Variants in TRIM36 observed in about 807,000 individuals in gnomAD.
TRIM36 encodes the protein E3 ubiquitin-protein ligase TRIM36.
In TRIM36, 42 loss-of-function variants were observed where a neutral mutation model predicts 72.4. The ratio of observed to expected loss-of-function variants is 0.58; its 90% confidence interval spans 0.45 to 0.75. The LOEUF (loss-of-function observed/expected upper bound fraction) is 0.75, where lower values mean the gene tolerates loss of function less well. Among genes scored for constraint, TRIM36 ranks in the 30% least tolerant of loss-of-function variants. The pLI, the probability that TRIM36 is intolerant of heterozygous loss-of-function variation, is 0.00. For synonymous variants in TRIM36, 315 were observed against 282.8 expected, an observed-to-expected ratio of 1.11 and a Z score of -1.14; for missense variants, 913 against 857.1, an observed-to-expected ratio of 1.07 and a Z score of -0.81.
chr5:115,139,165 G>A (rs1383387640), intron 5 of TRIM36, among the ~76,000 whole-genome samples: 2 of 146,156 alleles, frequency 1.4e-5, no homozygotes, highest in African/African-American at 5.1e-5. Flanking sequence ...CTATCACCTA[G>A]GCTAGAGTGC....
At position 115,169,885 on chromosome 5, in the gene TRIM36, G is replaced by A. The variant is rs1021555413; in HGVS notation, c.-251C>T. 24 of 1,303,238 alleles carry A rather than the reference G, an allele frequency of 1.8e-5. No homozygotes were observed. The highest frequency in any genetic ancestry group is 2.3e-5 in the Non-Finnish European group (24 of 1,025,346). The allele number at this position is 1,303,238 out of a possible 1,614,324, so 80.7% of individuals were successfully genotyped here. On this transcript the variant is annotated 5_prime_UTR_variant, in exon 1 of 10. Transcript: ENST00000513154. ...CGGGAATCCCGCCCAGCTGCCGGCT[G>A]CAGCAGCGGCTCCTGCGGACTGCGG...
chr5:115,171,089 G>A, upstream of TRIM36: 2 of 1,614,198 alleles, frequency 1.2e-6, no homozygotes, highest in African/African-American at 2.7e-5. Flanking sequence ...CAGAGCTGTA[G>A]CGAGACATCT....
intron 7 of TRIM36, 82 bp from the exon 8 acceptor site, chr5:115,134,229 A>T: frequency 7.7e-7 from 1 of 1,304,480 alleles, no homozygotes; most frequent in South Asian, 1.8e-5. Context: ...AATGACATAT[A>T]AACAGTATTT....
chr5:115,179,843 C>T, intron 1 of TRIM36: 2 of 816,408 alleles, frequency 2.4e-6, no homozygotes, highest in Non-Finnish European at 3.9e-6. Flanking sequence ...GCCCGGGCTG[C>T]GAGCGCGGCT....
At chr5:115,141,523 C>T in intron 4 of TRIM36, 149 bp from the exon 5 acceptor site, 2 of 492,770 alleles carry the variant, frequency 4.1e-6, no homozygotes, top group Non-Finnish European at 7.0e-6. Context: ...CATTATTAAC[C>T]CGGAGTAAAC....
At chr5:115,145,485 C>A (rs905694279) in intron 3 of TRIM36, among the ~76,000 whole-genome samples, 16 of 152,184 alleles carry the variant, frequency 1.1e-4, no homozygotes, top group African/African-American at 3.4e-4. Context: ...AGATTTTAAG[C>A]AATTGTAACT....
At chr5:115,162,588 T>C (rs1256684685) in intron 2 of TRIM36, among the ~76,000 whole-genome samples, 1 of 152,230 alleles carries the variant, frequency 6.6e-6, no homozygotes, top group Non-Finnish European at 1.5e-5. Context: ...TAATTATAAG[T>C]AGAAATATCT....
intron 2 of TRIM36, among the ~76,000 whole-genome samples, chr5:115,160,841 C>A (rs888013530): frequency 2.6e-5 from 4 of 152,024 alleles, no homozygotes; most frequent in African/African-American, 4.8e-5. Context: ...CAGAGTGAGA[C>A]CCTGTCTCAA....
upstream of TRIM36, chr5:115,171,253 G>T (rs372478435): frequency 1.2e-6 from 2 of 1,613,270 alleles, no homozygotes. Context: ...TAAAAACACT[G>T]AGGGACTATA....
chr5:115,130,669 G>A lies in TRIM36; in HGVS notation c.1719C>T (p.Tyr573=). ...FWAFRVEPYS[Y]LVKVGVASSD... ...TAGAAGCAACTCCCACTTTTACCAG[G>A]TATGAATATGGTTCCACACGGAAGG... Residue 573 remains tyrosine, a synonymous_variant, in exon 9 of 10, where the codon TAC becomes TAT. Transcript: ENST00000513154. 5 of 1,614,152 alleles carry A rather than the reference G, an allele frequency of 3.1e-6. No individual in the cohort carries two copies. The highest frequency in any genetic ancestry group is 4.2e-6 in the Non-Finnish European group (5 of 1,180,036).
chr5:115,175,648 C>T (rs1755295450), intron 1 of TRIM36, among the ~76,000 whole-genome samples: 1 of 148,168 alleles, frequency 6.7e-6, no homozygotes, highest in African/African-American at 2.5e-5. Flanking sequence ...TAGGAGACAC[C>T]TTTTTTTTTC....
At chr5:115,170,246 G>A (rs1043203065), upstream of TRIM36, among the ~76,000 whole-genome samples, 1 of 152,102 alleles carries the variant, frequency 6.6e-6, no homozygotes, top group Non-Finnish European at 1.5e-5. Context: ...GCCGAGGGCG[G>A]CGCCGGGGCG....
At chr5:115,160,205 TA>T (rs1380976876) in intron 2 of TRIM36, among the ~76,000 whole-genome samples, 1 of 151,702 alleles carries the variant, frequency 6.6e-6, no homozygotes, top group Admixed American at 6.6e-5. Context: ...AGGTACCCTT[TA>T]AAAAAAACTG....
At chr5:115,140,317 G>T (rs147344220) in intron 5 of TRIM36, among the ~76,000 whole-genome samples, 1 of 152,216 alleles carries the variant, frequency 6.6e-6, no homozygotes, top group African/African-American at 2.4e-5. Context: ...AAAAACAAGT[G>T]TACAACAAAG....
chr5:115,138,298 G>A (rs1221427706), intron 5 of TRIM36, among the ~76,000 whole-genome samples: 1 of 151,872 alleles, frequency 6.6e-6, no homozygotes. Flanking sequence ...ATGGGGTTTC[G>A]CAGTGTTAGC....
In TRIM36 at chr5:115,144,656, C is replaced by G; in HGVS notation, c.677G>C (p.Gly226Ala). The G allele has an allele frequency of 1.2e-6, 2 of 1,614,110 alleles. No individual in the cohort carries two copies. Among genetic ancestry groups the G allele is most frequent in the Non-Finnish European group, 1.7e-6 (2 of 1,180,002 alleles). The change falls in exon 4 of 10, where the codon GGT (glycine) becomes GCT (alanine). Residue 226 changes from glycine (G) to alanine (A), a missense_variant. Transcript: ENST00000513154. The part of the protein sequence containing the change: ...RRPVCHLCKL[G>A]GNHANHRVTT... Reference sequence around the variant, plus strand: ...TACACGGTGGTTGGCATGATTACCACCCAACTTACACAGATGGCAAACTGG... The same window carrying G: ...TACACGGTGGTTGGCATGATTACCAGCCAACTTACACAGATGGCAAACTGG...
intron 5 of TRIM36, 115 bp downstream of exon 5, chr5:115,141,164 A>T (rs1421453845): frequency 4.1e-6 from 3 of 735,354 alleles, no homozygotes; most frequent in Non-Finnish European, 6.5e-6. Context: ...GGTGAAATCT[A>T]ACACAACTTT....
At chr5:115,169,534 G>A (rs1754977141) in intron 1 of TRIM36, 74 bp downstream of exon 1, 1 of 1,451,558 alleles carries the variant, frequency 6.9e-7, no homozygotes, top group Non-Finnish European at 9.2e-7. Flanking sequence ...CCGGGCTCCC[G>A]GCGGAGGAAA....
rs1752637337 is a variant in TRIM36 at position 115,130,852 on chromosome 5, A to G, written c.1536T>C (p.Asn512=). 3 of 1,610,768 alleles carry G rather than the reference A, an allele frequency of 1.9e-6. No individual in the cohort carries two copies. The highest frequency in any genetic ancestry group is 2.5e-6 in the Non-Finnish European group (3 of 1,177,894). ...TCAAGTTCAGCAGGAGGTGTTCATT[A>G]TTATAGCCACATTTTTCATCAAAGA... is the stretch of plus-strand genomic sequence containing the variant. The part of the protein sequence containing the change: ...SFLFDEKCGY[N]NEHLLLNLKR... The change falls in exon 9 of 10, where the codon AAT becomes AAC. Residue 512 remains asparagine (N), a synonymous_variant. Transcript: ENST00000513154.
Sources: gnomAD v4.1 joint callset for allele counts (sites outside exome capture counted in the v4.1 genomes callset) on GRCh38, gnomAD v4.1.1 for gene constraint, MANE v1.5 for transcripts, NCBI Gene and HGNC (gene_info 2026-07-23, HGNC 2026-07-21) for gene names.